The following SLC6A11 variants were observed in gnomAD, a reference collection of about 807,000 sequenced individuals.
SLC6A11 encodes the protein sodium- and chloride-dependent GABA transporter 3.
In SLC6A11, 25 loss-of-function variants were observed where a neutral mutation model predicts 74.8. That is an observed-to-expected ratio of 0.33 (90% CI 0.24 to 0.47). The LOEUF (loss-of-function observed/expected upper bound fraction) is 0.47. SLC6A11 is among the 20% of genes least tolerant of loss of function. The pLI is 1.00. For synonymous variants in SLC6A11, 330 were observed against 330.2 expected (o/e 1.00, Z 0.01); for missense variants, 574 against 837.0 (o/e 0.69, Z 3.88).
intron 8 of SLC6A11, among the ~76,000 whole-genome samples, chr3:10,922,245 A>G (rs562473999): frequency 6.6e-6 from 1 of 152,332 alleles, no homozygotes; most frequent in South Asian, 2.1e-4. Flanking sequence ...GCATCAATGT[A>G]TTTCATGAAA....
At chr3:10,895,099 T>C (rs1695154869) in intron 6 of SLC6A11, among the ~76,000 whole-genome samples, 1 of 152,150 alleles carries the variant, frequency 6.6e-6, no homozygotes, top group African/African-American at 2.4e-5. Flanking sequence ...TTGTGAGAAC[T>C]CAGGGAGATG....
At chr3:10,922,561 C>A (rs1695550676) in intron 8 of SLC6A11, among the ~76,000 whole-genome samples, 1 of 151,912 alleles carries the variant, frequency 6.6e-6, no homozygotes, top group South Asian at 2.1e-4. Context: ...AGGATGGTTA[C>A]CTTCAGGGGT....
rs1025500916 is a variant in SLC6A11 at position 10,926,506 on chromosome 3, T to C, written c.1233+390T>C. On this transcript the variant is annotated intron_variant, in intron 9 of 13. Transcript: ENST00000254488. This position sits in a 1 kb window ranked among gnomAD's most constrained non-coding sequence, Gnocchi z 5.7. Reference sequence around the variant, plus strand: ...GTCTCAGAGAGTGAGTTCCACAGCATGCATGTCCCCATCCCAACCCAATCA... The same window carrying C: ...GTCTCAGAGAGTGAGTTCCACAGCACGCATGTCCCCATCCCAACCCAATCA... Among the ~76,000 whole-genome samples, 16 of 152,136 alleles carry C rather than the reference T, an allele frequency of 1.1e-4. No homozygotes were observed. The highest frequency in any genetic ancestry group is 3.9e-4 in the African/African-American group (16 of 41,420).
At chr3:10,838,893 G>A (rs749573904) in intron 4 of SLC6A11, among the ~76,000 whole-genome samples, 3 of 152,170 alleles carry the variant, frequency 2.0e-5, no homozygotes, top group Admixed American at 6.5e-5. Context: ...AGGTGGTGCC[G>A]AGCACAGTTC....
chr3:10,862,168 C>A (rs549532366), intron 5 of SLC6A11, among the ~76,000 whole-genome samples: 4 of 152,284 alleles, frequency 2.6e-5, no homozygotes, highest in Middle Eastern at 3.4e-3. Flanking sequence ...CCCTTGGTCA[C>A]CATGGTGACA....
intron 6 of SLC6A11, among the ~76,000 whole-genome samples, chr3:10,887,881 GT>G (rs1214953336): frequency 6.6e-6 from 1 of 152,240 alleles, no homozygotes; most frequent in Non-Finnish European, 1.5e-5. Flanking sequence ...GATAGACTTT[GT>G]GATAGGGAAT....
Position 10,873,689 on chromosome 3 carries a change from C to CATCCTATCCTATCCTATCCT in SLC6A11, c.757-1247_757-1228dup, listed in dbSNP as rs796960855. ...TATCCTATCCTATCCTATCCCGTCC[C>CATCCTATCCTATCCTATCCT]ATCCTATCCTATCCTATCCTATCCT... On this transcript the variant is annotated intron_variant, in intron 5 of 13. Transcript: ENST00000254488. Among the ~76,000 whole-genome samples, 756 of 134,704 alleles carry CATCCTATCCTATCCTATCCT rather than the reference C, an allele frequency of 5.6e-3. 12 individuals carry two copies. The highest frequency in any genetic ancestry group is 0.015 in the African/African-American group (520 of 35,154). The allele number at this position is 134,704 out of a possible 152,430, so 88.4% of individuals were successfully genotyped here. A position where few individuals can be genotyped will look rare whatever the true frequency, so the allele number is the denominator to read the frequency against.
intron 5 of SLC6A11, among the ~76,000 whole-genome samples, chr3:10,847,975 T>G (rs370662795): frequency 6.6e-6 from 1 of 152,202 alleles, no homozygotes; most frequent in African/African-American, 2.4e-5. Flanking sequence ...CTCCCAGCTA[T>G]TGTCCAGCTG....
In SLC6A11 at chr3:10,938,526, GT is replaced by G; in HGVS notation, c.*126del. 1 of 1,082,450 alleles carries G rather than the reference GT, an allele frequency of 9.2e-7. No homozygotes were observed. The highest frequency in any genetic ancestry group is 1.3e-6 in the Non-Finnish European group (1 of 773,158). The allele number at this position is 1,082,450 out of a possible 1,614,324, so 67.1% of individuals were successfully genotyped here. A position where few individuals can be genotyped will look rare whatever the true frequency, so the allele number is the denominator to read the frequency against. On this transcript the variant is annotated 3_prime_UTR_variant, in exon 14 of 14. Coordinates refer to ENST00000254488, the MANE Select transcript of SLC6A11 (RefSeq NM_014229.3). ...TGTTTTGCACAGGATTAATTAACAA[GT>G]TAATTTTAAGGTGGCCACTGTACAC... is the stretch of plus-strand genomic sequence containing the variant.
intron 4 of SLC6A11, among the ~76,000 whole-genome samples, chr3:10,832,684 T>C (rs1199814999): frequency 2.0e-5 from 3 of 152,220 alleles, no homozygotes; most frequent in African/African-American, 7.2e-5. Context: ...CCCCGTACTC[T>C]TAGTACCACT....
At chr3:10,851,677 T>C (rs1232472998) in intron 5 of SLC6A11, among the ~76,000 whole-genome samples, 1 of 152,216 alleles carries the variant, frequency 6.6e-6, no homozygotes, top group Non-Finnish European at 1.5e-5. Context: ...GCGAATATCG[T>C]CCCCATTTCA....
chr3:10,818,109 A>C (rs1321892361), intron 1 of SLC6A11, among the ~76,000 whole-genome samples: 1 of 151,212 alleles, frequency 6.6e-6, no homozygotes, highest in African/African-American at 2.4e-5. Flanking sequence ...GTAGTGAGTA[A>C]AGTTTTTTAA....
At chr3:10,886,369 C>G (rs1218755057) in intron 6 of SLC6A11, among the ~76,000 whole-genome samples, 6 of 152,172 alleles carry the variant, frequency 3.9e-5, no homozygotes, top group Non-Finnish European at 7.3e-5. Flanking sequence ...CCCATACAGC[C>G]TTGGGCATTC....
chr3:10,890,178 T>A (rs573083237), intron 6 of SLC6A11, among the ~76,000 whole-genome samples: 2 of 152,066 alleles, frequency 1.3e-5, no homozygotes, highest in South Asian at 2.1e-4. Flanking sequence ...TGGACATTAG[T>A]GCTTTATAGG....
chr3:10,873,750 A>G (rs1318779827), intron 5 of SLC6A11, among the ~76,000 whole-genome samples: 1 of 139,198 alleles, frequency 7.2e-6, no homozygotes, highest in African/African-American at 2.7e-5. Flanking sequence ...GTCCCATGCT[A>G]TCCTGTCCTG....
chr3:10,862,285 C>G (rs1234665783), intron 5 of SLC6A11, among the ~76,000 whole-genome samples: 1 of 152,142 alleles, frequency 6.6e-6, no homozygotes. Flanking sequence ...CCAGTGTAAG[C>G]TTGGCTGGGC....
At chr3:10,870,841 C>T (rs1288640119) in intron 5 of SLC6A11, among the ~76,000 whole-genome samples, 3 of 152,200 alleles carry the variant, frequency 2.0e-5, no homozygotes, top group Non-Finnish European at 4.4e-5. Context: ...TTTTTCTGGG[C>T]TAATGCCTGC....
intron 6 of SLC6A11, among the ~76,000 whole-genome samples, chr3:10,907,610 G>A (rs1262349242): frequency 6.6e-6 from 1 of 152,196 alleles, no homozygotes; most frequent in Non-Finnish European, 1.5e-5. Context: ...AACAAAACCT[G>A]TTGGACATCC....
intron 6 of SLC6A11, 67 bp from the exon 7 acceptor site, chr3:10,912,023 A>T: frequency 9.4e-7 from 1 of 1,067,814 alleles, no homozygotes; most frequent in Non-Finnish European, 1.5e-6. Flanking sequence ...GATTTCAGAG[A>T]CCAGGGCTAC....
Sources: gnomAD v4.1 joint callset for allele counts (sites outside exome capture counted in the v4.1 genomes callset) on GRCh38, gnomAD v4.1.1 for gene constraint, Gnocchi (gnomAD v3.1) non-coding constraint, MANE v1.5 for transcripts, NCBI Gene and HGNC (gene_info 2026-07-23, HGNC 2026-07-21) for gene names.